The following TFPI variants were observed in gnomAD, a reference collection of about 807,000 sequenced individuals.
The protein encoded by TFPI is anti-convertin.
In TFPI, 15 loss-of-function variants were observed where a neutral mutation model predicts 34.6. The observed-to-expected ratio is 0.43, with a 90% confidence interval of 0.29 to 0.67. The LOEUF (loss-of-function observed/expected upper bound fraction) is 0.67. Ranked by LOEUF, TFPI falls within the 30% of genes least tolerant of loss-of-function variation. The pLI is 0.15. For synonymous variants in TFPI, 105 were observed against 120.1 expected (o/e 0.87, Z 0.82); for missense variants, 301 against 364.0 (o/e 0.83, Z 1.41).
At chr2:187,525,109 A>G (rs1312605111) in intron 1 of TFPI, among the ~76,000 whole-genome samples, 1 of 152,170 alleles carries the variant, frequency 6.6e-6, no homozygotes, top group Non-Finnish European at 1.5e-5. Context: ...AAGACCTTTG[A>G]GACTTTCACT....
intron 1 of TFPI, among the ~76,000 whole-genome samples, chr2:187,540,890 C>A (rs1346746341): frequency 1.4e-3 from 115 of 84,700 alleles, no homozygotes; most frequent in East Asian, 5.5e-3. Flanking sequence ...GACTCCATCT[C>A]AAAAAAAAAA....
At chr2:187,525,125 T>G (rs1019692345) in intron 1 of TFPI, among the ~76,000 whole-genome samples, 1 of 152,142 alleles carries the variant, frequency 6.6e-6, no homozygotes, top group Non-Finnish European at 1.5e-5. Flanking sequence ...TCACTTTTTA[T>G]GAACTCTTCT....
intron 5 of TFPI, chr2:187,484,584 G>A (rs1433606296): frequency 2.0e-6 from 1 of 498,298 alleles, no homozygotes. Context: ...TTCTCAGGAA[G>A]AAGAATTAAA....
intron 1 of TFPI, among the ~76,000 whole-genome samples, chr2:187,532,923 A>G (rs1294526910): frequency 2.6e-5 from 4 of 152,194 alleles, no homozygotes; most frequent in African/African-American, 9.7e-5. Flanking sequence ...CAGAGGCTTG[A>G]GTAGCCGGTT....
At chr2:187,487,982 T>C (rs184371476) in intron 4 of TFPI, among the ~76,000 whole-genome samples, 43 of 151,488 alleles carry the variant, frequency 2.8e-4, no homozygotes, top group Middle Eastern at 6.8e-3. Context: ...AAATAGCATG[T>C]GTGGCTCTGG....
At chr2:187,480,562 C>A (rs1454514697) in intron 6 of TFPI, among the ~76,000 whole-genome samples, 1 of 152,100 alleles carries the variant, frequency 6.6e-6, no homozygotes, top group Non-Finnish European at 1.5e-5. Flanking sequence ...TCTGCTATAT[C>A]ATTATTTCAA....
At chr2:187,474,836 C>T (rs974748669) in intron 6 of TFPI, among the ~76,000 whole-genome samples, 4 of 152,060 alleles carry the variant, frequency 2.6e-5, no homozygotes, top group Non-Finnish European at 5.9e-5. Context: ...TGTGGCTTTA[C>T]TTAGAAAAAT....
intron 1 of TFPI, among the ~76,000 whole-genome samples, chr2:187,532,276 T>C (rs978746981): frequency 6.6e-6 from 1 of 151,692 alleles, no homozygotes; most frequent in Non-Finnish European, 1.5e-5. Flanking sequence ...TTGATAACTT[T>C]TGAGTTGCAG....
In TFPI at chr2:187,511,214, TG is replaced by T. The variant is rs567727188; in HGVS notation, c.-2-7445del. 3.0e-3 allele frequency among the ~76,000 whole-genome samples: 454 copies of T among 152,290 alleles called. 3 individuals are homozygous for T. The highest frequency in any genetic ancestry group is 4.2e-3 in the Admixed American group (64 of 15,308). ...ACTTGCAGTCTGGACATCTGAAACT[TG>T]GTAAGACTGGTCTTTGGAACTTGAC... is the stretch of plus-strand genomic sequence containing the variant. On this transcript the variant is annotated intron_variant, in intron 1 of 7. Transcript: ENST00000233156.
intron 6 of TFPI, among the ~76,000 whole-genome samples, chr2:187,472,948 G>A (rs1692137847): frequency 6.6e-6 from 1 of 152,016 alleles, no homozygotes; most frequent in South Asian, 2.1e-4. Context: ...GGAGGTGGAG[G>A]TTGCAAGTGA....
chr2:187,469,195 A>T (rs534390456), intron 6 of TFPI, among the ~76,000 whole-genome samples: 48 of 152,248 alleles, frequency 3.2e-4, no homozygotes, highest in African/African-American at 1.0e-3. Flanking sequence ...GTAATAAAAA[A>T]TATTCTGGGA....
intron 2 of TFPI, among the ~76,000 whole-genome samples, chr2:187,499,117 A>G (rs1685679950): frequency 6.6e-6 from 1 of 151,808 alleles, no homozygotes; most frequent in Non-Finnish European, 1.5e-5. Flanking sequence ...TTTAAATGTC[A>G]TTTCTTTTTT....
At position 187,505,127 on chromosome 2, in the gene TFPI, A is replaced by G. The variant is rs529313723; in HGVS notation, c.-2-1357T>C. ...TCTAATCCTTATCGCATTTTTGAAC[A>G]CGTTTTTCAGAGATTCATTTATTTC... is the stretch of plus-strand genomic sequence containing the variant. On this transcript the variant is annotated intron_variant, in intron 1 of 7. Coordinates refer to ENST00000233156, the MANE Select transcript of TFPI (RefSeq NM_006287.6). Among the ~76,000 whole-genome samples, 11 of 124,406 alleles carry G rather than the reference A, an allele frequency of 8.8e-5. No homozygotes were observed. In the East Asian group the frequency reaches 2.2e-3, roughly 25 times the overall value. 81.6% of individuals were successfully genotyped at this position (124,406 alleles called of 152,430 possible).
Position 187,466,217 on chromosome 2 carries a change from T to C in TFPI, c.*719A>G, listed in dbSNP as rs948472097. The stretch of plus-strand genomic sequence containing the variant: ...TAAAACTTCTTGTTTCCATAAAGGT[T>C]CTCCTTATCATGAGTTGTATTTAAC... On this transcript the variant is annotated 3_prime_UTR_variant, in exon 8 of 8. Transcript: ENST00000233156. The C allele has an allele frequency of 4.6e-5, 7 of 152,038 alleles. No individual in the cohort carries two copies. The highest frequency in any genetic ancestry group is 1.7e-4 in the African/African-American group (7 of 41,404). 9.4% of individuals were successfully genotyped at this position (152,038 alleles called of 1,614,324 possible).
intron 2 of TFPI, among the ~76,000 whole-genome samples, chr2:187,501,268 C>T (rs1295075768): frequency 6.6e-6 from 1 of 151,894 alleles, no homozygotes; most frequent in East Asian, 1.9e-4. Context: ...GTCTCATAGT[C>T]TAAAGGTTAC....
intron 1 of TFPI, among the ~76,000 whole-genome samples, chr2:187,511,179 A>C (rs1010028081): frequency 1.3e-5 from 2 of 152,176 alleles, no homozygotes; most frequent in Middle Eastern, 3.2e-3. Context: ...AACACCGGGA[A>C]AGAACTGGCA....
chr2:187,488,858 A>T (rs181878976), intron 3 of TFPI, among the ~76,000 whole-genome samples: 1 of 151,606 alleles, frequency 6.6e-6, no homozygotes, highest in East Asian at 1.9e-4. Flanking sequence ...TATTATTACC[A>T]ATGTAGAGAA....
intron 6 of TFPI, among the ~76,000 whole-genome samples, chr2:187,477,790 T>C (rs1413394016): frequency 1.3e-5 from 2 of 152,156 alleles, no homozygotes; most frequent in Non-Finnish European, 2.9e-5. Context: ...TATGCATAGA[T>C]TTTATTTTCT....
rs754353056 is a variant in TFPI, at chr2:187,484,891, C to T, written c.455G>A (p.Arg152His). Residue 152 changes from arginine to histidine, a missense_variant, in exon 5 of 8, where the codon CGT (arginine) becomes CAT (histidine). Physicochemically the swap from Arg to His is conservative, Grantham distance 29 (BLOSUM62 0). Coordinates refer to ENST00000233156, the MANE Select transcript of TFPI (RefSeq NM_006287.6). ...GCCCAGGCATCCACCATACTTGAAACGTTCACACTGTTTTGTCTGATTGTT... is the reference window on the plus strand; with the variant it reads ...GCCCAGGCATCCACCATACTTGAAATGTTCACACTGTTTTGTCTGATTGTT... ...FYNNQTKQCE[R>H]FKYGGCLGNM... 9 of 1,595,390 alleles carry T rather than the reference C, an allele frequency of 5.6e-6. No homozygotes were observed. Among genetic ancestry groups the T allele is most frequent in the Admixed American group, 5.2e-5 (3 of 57,186 alleles).
Sources: allele counts gnomAD v4.1 joint callset (sites outside exome capture counted in the v4.1 genomes callset), GRCh38; gene constraint gnomAD v4.1.1; transcripts MANE v1.5; gene names NCBI Gene and HGNC (gene_info 2026-07-23, HGNC 2026-07-21).